Variants in DTNB observed in about 807,000 individuals in gnomAD.
DTNB encodes DTN-B.
A neutral mutation model predicts 90.7 loss-of-function variants in DTNB; 63 were observed. That is an observed-to-expected ratio of 0.69 (90% CI 0.57 to 0.86). The LOEUF (loss-of-function observed/expected upper bound fraction) is 0.86. Among genes scored for constraint, DTNB ranks in the 40% least tolerant of loss-of-function variants. The pLI is 0.00. For missense variants in DTNB, 744 were observed against 807.1 expected, an observed-to-expected ratio of 0.92 and a Z score of 0.95; for synonymous variants, 277 against 286.7, an observed-to-expected ratio of 0.97 and a Z score of 0.34.
intron 16 of DTNB, among the ~76,000 whole-genome samples, chr2:25,404,512 G>A (rs1054286939): frequency 7.9e-5 from 12 of 152,206 alleles, no homozygotes; most frequent in East Asian, 5.8e-4. Context: ...AAGTGTCGGC[G>A]GTGAGCAGCC....
intron 8 of DTNB, among the ~76,000 whole-genome samples, chr2:25,543,792 CTT>C (rs1477657512): frequency 3.3e-5 from 5 of 151,866 alleles, no homozygotes; most frequent in African/African-American, 9.7e-5. Flanking sequence ...GAAATTTGCT[CTT>C]TGAGTTTACT....
At chr2:25,633,510 G>A (rs1036749298) in intron 3 of DTNB, among the ~76,000 whole-genome samples, 8 of 151,992 alleles carry the variant, frequency 5.3e-5, no homozygotes, top group Admixed American at 1.3e-4. Context: ...ATCTCGGCTC[G>A]CTACAACCTC....
chr2:25,502,446 A>G (rs1407927009), intron 9 of DTNB, among the ~76,000 whole-genome samples: 1 of 152,166 alleles, frequency 6.6e-6, no homozygotes, highest in African/African-American at 2.4e-5. Flanking sequence ...AGATGTCCAG[A>G]CTGGGGCTTG....
At chr2:25,484,773 G>T (rs1438006834) in intron 9 of DTNB, among the ~76,000 whole-genome samples, 1 of 152,186 alleles carries the variant, frequency 6.6e-6, no homozygotes, top group Non-Finnish European at 1.5e-5. Context: ...CTCTAGGCTA[G>T]AAGTCAATTC....
intron 9 of DTNB, among the ~76,000 whole-genome samples, chr2:25,525,958 C>T (rs1385075159): frequency 6.6e-6 from 1 of 152,102 alleles, no homozygotes; most frequent in Non-Finnish European, 1.5e-5. Flanking sequence ...TCCAGCCACA[C>T]TCCCAACACC....
At chr2:25,448,791 T>C (rs2058808642) in intron 12 of DTNB, among the ~76,000 whole-genome samples, 1 of 150,854 alleles carries the variant, frequency 6.6e-6, no homozygotes, top group East Asian at 1.9e-4. Flanking sequence ...GAGGCAGAGC[T>C]TGCAGTGAGC....
chr2:25,597,998 T>TTCTTCC (rs1020495415), intron 5 of DTNB, among the ~76,000 whole-genome samples: 7 of 152,240 alleles, frequency 4.6e-5, no homozygotes, highest in Non-Finnish European at 7.3e-5. Context: ...CATTATCCTC[T>TTCTTCC]TCTTCCTTAG....
chr2:25,627,736 C>CA (rs2074564376), intron 4 of DTNB, among the ~76,000 whole-genome samples: 2 of 136,094 alleles, frequency 1.5e-5, no homozygotes, highest in Non-Finnish European at 3.2e-5. Flanking sequence ...AATAATTTTC[C>CA]TTTTTTTTTT....
chr2:25,568,253 A>G (rs2059335380), intron 8 of DTNB, among the ~76,000 whole-genome samples: 1 of 152,194 alleles, frequency 6.6e-6, no homozygotes, highest in South Asian at 2.1e-4. Flanking sequence ...ATGGCCGCAC[A>G]ACAATGTGAA....
intron 2 of DTNB, among the ~76,000 whole-genome samples, chr2:25,646,386 C>T (rs1173666272): frequency 2.0e-5 from 3 of 151,898 alleles, no homozygotes; most frequent in African/African-American, 4.8e-5. Context: ...ACAGGAGAAT[C>T]GCTTGAACCA....
chr2:25,419,235 GA>G, intron 16 of DTNB: 1 of 545,562 alleles, frequency 1.8e-6, no homozygotes, highest in East Asian at 3.0e-5. Context: ...GAAAGAGCAG[GA>G]AAATGCAATG....
intron 8 of DTNB, among the ~76,000 whole-genome samples, chr2:25,558,922 C>A (rs1239500103): frequency 6.6e-6 from 1 of 152,122 alleles, no homozygotes; most frequent in Non-Finnish European, 1.5e-5. Context: ...CACTTTAGCT[C>A]TAAGTCAGCT....
intron 8 of DTNB, among the ~76,000 whole-genome samples, chr2:25,558,627 C>G (rs1036050648): frequency 1.3e-5 from 2 of 152,176 alleles, no homozygotes; most frequent in Admixed American, 6.5e-5. Flanking sequence ...TTTATTTGAT[C>G]GCATCCATCT....
Position 25,436,868 on chromosome 2 carries a change from G to A in DTNB, c.1258-2873C>T, listed in dbSNP as rs60609784. 9.2e-3 allele frequency among the ~76,000 whole-genome samples: 1,395 copies of A among 152,294 alleles called. 21 individuals are homozygous for A. Among genetic ancestry groups the A allele is most frequent in the African/African-American group, 0.032 (1,319 of 41,560 alleles). On this transcript the variant is annotated intron_variant, in intron 12 of 20. Coordinates refer to ENST00000406818, the MANE Select transcript of DTNB (RefSeq NM_021907.5). ...TGAGACGAGGGAAAATTATGGGTCA[G>A]GAGGTAAGCTCTGAAAGAAATTTGC...
chr2:25,524,049 G>C (rs1368878124), intron 9 of DTNB, among the ~76,000 whole-genome samples: 3 of 151,896 alleles, frequency 2.0e-5, no homozygotes, highest in Non-Finnish European at 4.4e-5. Flanking sequence ...TTACAGGCAT[G>C]CACCACCACA....
chr2:25,536,804 G>A (rs554824110), intron 8 of DTNB, among the ~76,000 whole-genome samples: 1 of 152,250 alleles, frequency 6.6e-6, no homozygotes, highest in African/African-American at 2.4e-5. Context: ...GTGCAGTGGG[G>A]TGATCTCGGC....
At chr2:25,636,715 T>C (rs935606670) in intron 3 of DTNB, among the ~76,000 whole-genome samples, 1 of 152,176 alleles carries the variant, frequency 6.6e-6, no homozygotes, top group Non-Finnish European at 1.5e-5. Flanking sequence ...CATTTAGCCT[T>C]ACCACATAAG....
At chr2:25,670,469 G>A (rs2085571762) in intron 1 of DTNB, among the ~76,000 whole-genome samples, 2 of 152,272 alleles carry the variant, frequency 1.3e-5, no homozygotes, top group African/African-American at 2.4e-5. Flanking sequence ...ACTTGTTTCC[G>A]TGAGTAGGTC....
At chr2:25,410,808 TTA>T (rs2046396880) in intron 16 of DTNB, among the ~76,000 whole-genome samples, 1 of 152,170 alleles carries the variant, frequency 6.6e-6, no homozygotes, top group African/African-American at 2.4e-5. Flanking sequence ...AATCAATAGC[TTA>T]TGTTATTATT....
Sources: allele counts gnomAD v4.1 joint callset (sites outside exome capture counted in the v4.1 genomes callset), GRCh38; gene constraint gnomAD v4.1.1; transcripts MANE v1.5; gene names NCBI Gene and HGNC (gene_info 2026-07-23, HGNC 2026-07-21).